The following EML6 variants were observed in gnomAD, a reference collection of about 807,000 sequenced individuals.
EML6 encodes echinoderm microtubule-associated protein-like 6.
EML6 carries 154 observed loss-of-function variants against 240.1 expected under a neutral mutation model. That is an observed-to-expected ratio of 0.64 (90% confidence interval 0.56 to 0.73). The LOEUF (loss-of-function observed/expected upper bound fraction) is 0.73. Ranked by LOEUF, EML6 falls within the 30% of genes least tolerant of loss-of-function variation. The pLI is 0.00. For synonymous variants in EML6, 1,148 were observed against 899.0 expected (o/e 1.28, Z -4.95); for missense variants, 2,964 against 2,474.6 (o/e 1.20, Z -4.20).
At chr2:54,825,102 G>T (rs1457749340) in intron 5 of EML6, among the ~76,000 whole-genome samples, 2 of 152,134 alleles carry the variant, frequency 1.3e-5, no homozygotes, top group Non-Finnish European at 2.9e-5. Context: ...AAGATAATGG[G>T]TTCTATTTTT....
chr2:54,966,878 T>C (rs1676772345), intron 38 of EML6, 122 bp from the exon 39 acceptor site: 3 of 608,760 alleles, frequency 4.9e-6, no homozygotes, highest in South Asian at 4.1e-5. Context: ...GAGCTGAGCT[T>C]GGGTTTGGAG....
chr2:54,754,263 C>T (rs114336015), intron 2 of EML6, among the ~76,000 whole-genome samples: 1,695 of 152,136 alleles, frequency 0.011, 17 homozygotes, highest in Non-Finnish European at 0.02. Flanking sequence ...CAGGTGGGAG[C>T]CACTGCACCT....
At chr2:54,740,455 A>G (rs1169441303) in intron 2 of EML6, among the ~76,000 whole-genome samples, 1 of 152,178 alleles carries the variant, frequency 6.6e-6, no homozygotes, top group African/African-American at 2.4e-5. Context: ...GGATTTAGCA[A>G]TAAGAGGTCA....
intron 2 of EML6, among the ~76,000 whole-genome samples, chr2:54,784,107 C>G (rs13396649): frequency 0.16 from 24,270 of 151,872 alleles, 2,147 homozygotes; most frequent in South Asian, 0.21. Flanking sequence ...CTACTCATGC[C>G]TAATTATTTA....
At position 54,835,140 on chromosome 2, in the gene EML6, G is replaced by A. The variant is rs540989609; in HGVS notation, c.847+5663G>A. Among the ~76,000 whole-genome samples, 4 of 152,298 alleles carry A rather than the reference G, an allele frequency of 2.6e-5. No homozygotes were observed. In the South Asian group the frequency reaches 8.3e-4, roughly 32 times the overall value. On this transcript the variant is annotated intron_variant, in intron 7 of 41. Coordinates refer to ENST00000356458, the MANE Select transcript of EML6 (RefSeq NM_001039753.4). ...CCTTTGCTCAAATAAAGCCTATGCTGATGATCTCTTCTAGAATTGCAACTC... is the reference window on the plus strand; with the variant it reads ...CCTTTGCTCAAATAAAGCCTATGCTAATGATCTCTTCTAGAATTGCAACTC...
intron 17 of EML6, among the ~76,000 whole-genome samples, chr2:54,886,231 T>C (rs1672133381): frequency 6.8e-6 from 1 of 148,108 alleles, no homozygotes; most frequent in Admixed American, 7.0e-5. Context: ...AGTGGCGTGA[T>C]CTTGGCCCAC....
At chr2:54,918,717 C>CTG (rs1674064249) in intron 26 of EML6, among the ~76,000 whole-genome samples, 1 of 152,190 alleles carries the variant, frequency 6.6e-6, no homozygotes, top group Non-Finnish European at 1.5e-5. Flanking sequence ...ATTTACCCCC[C>CTG]TGTACAGTCA....
intron 25 of EML6, among the ~76,000 whole-genome samples, chr2:54,914,064 T>A (rs192552119): frequency 2.6e-4 from 40 of 152,350 alleles, no homozygotes; most frequent in Non-Finnish European, 5.3e-4. Context: ...CCTTGTAGTA[T>A]ACTTTGAAGT....
In EML6 at chr2:54,955,852, C is replaced by T. The variant is rs80077139; in HGVS notation, c.4486+1696C>T. ...GCCACCACCTCTTCCGGGTTGACCA[C>T]GGACATGTCATTTCTCCTCCCTTCC... On this transcript the variant is annotated intron_variant, in intron 32 of 41. Transcript: ENST00000356458. Among the ~76,000 whole-genome samples the T allele has an allele frequency of 3.6e-3, 544 of 152,318 alleles. 4 individuals are homozygous for T. The highest frequency in any genetic ancestry group is 0.013 in the African/African-American group (521 of 41,564).
chr2:54,831,600 C>G (rs1425208907), intron 7 of EML6, among the ~76,000 whole-genome samples: 1 of 152,190 alleles, frequency 6.6e-6, no homozygotes, highest in Non-Finnish European at 1.5e-5. Flanking sequence ...ACTGGGAACC[C>G]GAAACAAGCC....
intron 17 of EML6, among the ~76,000 whole-genome samples, chr2:54,885,441 C>G (rs1328693312): frequency 1.3e-5 from 2 of 150,472 alleles, no homozygotes; most frequent in South Asian, 4.2e-4. Flanking sequence ...GAACGAAACT[C>G]TGTCTCAAAA....
In EML6 at chr2:54,804,550, C is replaced by T. The variant is rs1282800473; in HGVS notation, c.198-8682C>T. On this transcript the variant is annotated intron_variant, in intron 2 of 41. Transcript: ENST00000356458. ...TGATAAATGTGACATAGCCATCAGACAACCCTGCCCACTTCCTGCCTGTGG... is the reference window on the plus strand; with the variant it reads ...TGATAAATGTGACATAGCCATCAGATAACCCTGCCCACTTCCTGCCTGTGG... Among the ~76,000 whole-genome samples the T allele has an allele frequency of 2.0e-5, 3 of 152,332 alleles. No individual in the cohort carries two copies. In the East Asian group the frequency reaches 5.8e-4, roughly 29 times the overall value.
intron 12 of EML6, among the ~76,000 whole-genome samples, chr2:54,862,404 A>G (rs1367177786): frequency 3.3e-5 from 5 of 151,088 alleles, no homozygotes; most frequent in Non-Finnish European, 7.4e-5. Context: ...TGAAAAATTC[A>G]ATAGAGAGGT....
At chr2:54,939,723 A>G (rs1054893012) in intron 28 of EML6, among the ~76,000 whole-genome samples, 5 of 152,176 alleles carry the variant, frequency 3.3e-5, no homozygotes, top group Non-Finnish European at 7.3e-5. Context: ...AGAGGCTAAC[A>G]ACTTTCATAC....
chr2:54,867,056 C>A (rs761943084), intron 14 of EML6, 172 bp downstream of exon 14: 5 of 474,014 alleles, frequency 1.1e-5, no homozygotes, highest in African/African-American at 1.9e-5. Context: ...GTGTGACTCT[C>A]TATCCACTTC....
chr2:54,898,038 T>A (rs2104171956), intron 21 of EML6, among the ~76,000 whole-genome samples: 1 of 152,210 alleles, frequency 6.6e-6, no homozygotes, highest in East Asian at 1.9e-4. Flanking sequence ...GCTTATTTTT[T>A]AAGAGAAAAT....
intron 25 of EML6, 144 bp from the exon 26 acceptor site, chr2:54,916,615 A>G: frequency 1.9e-6 from 1 of 525,880 alleles, no homozygotes; most frequent in Non-Finnish European, 3.2e-6. Context: ...TTAAATATGC[A>G]ACTTAGAATT....
At chr2:54,878,403 C>G (rs1671620608) in intron 16 of EML6, among the ~76,000 whole-genome samples, 1 of 152,186 alleles carries the variant, frequency 6.6e-6, no homozygotes, top group Admixed American at 6.5e-5. Flanking sequence ...CTCCTAGCAA[C>G]CGCACAGCTA....
intron 26 of EML6, among the ~76,000 whole-genome samples, chr2:54,921,170 A>T (rs1326411852): frequency 6.6e-6 from 1 of 152,128 alleles, no homozygotes; most frequent in Non-Finnish European, 1.5e-5. Context: ...ATGTAAAATT[A>T]TCTCTATTTA....
Sources: gnomAD v4.1 joint callset for allele counts (sites outside exome capture counted in the v4.1 genomes callset) on GRCh38, gnomAD v4.1.1 for gene constraint, MANE v1.5 for transcripts, NCBI Gene and HGNC (gene_info 2026-07-23, HGNC 2026-07-21) for gene names.